The following UTRN variants were observed in gnomAD, a reference collection of about 807,000 sequenced individuals.
UTRN encodes the protein dystrophin-related protein 1.
UTRN carries 283 observed loss-of-function variants against 463.9 expected under a neutral mutation model. The ratio of observed to expected loss-of-function variants is 0.61; its 90% CI spans 0.55 to 0.67. The LOEUF (loss-of-function observed/expected upper bound fraction) is 0.67. Ranked by LOEUF, UTRN falls within the 30% of genes least tolerant of loss-of-function variation. The pLI, the probability that UTRN is intolerant of heterozygous loss-of-function variation, is 0.00. For synonymous variants in UTRN, 1,442 were observed against 1,431.5 expected, an observed-to-expected ratio of 1.01 and a Z score of -0.17; for missense variants, 3,922 against 4,084.3, an observed-to-expected ratio of 0.96 and a Z score of 1.08.
intron 17 of UTRN, among the ~76,000 whole-genome samples, chr6:144,450,547 T>TCCAGGAA (rs2128556799): frequency 6.6e-6 from 1 of 152,280 alleles, no homozygotes; most frequent in South Asian, 2.1e-4. Context: ...AGCAAATTCT[T>TCCAGGAA]TTGTTATTGC....
intron 51 of UTRN, among the ~76,000 whole-genome samples, chr6:144,626,197 T>C (rs1775924514): frequency 1.3e-5 from 2 of 152,224 alleles, no homozygotes; most frequent in East Asian, 3.8e-4. Flanking sequence ...TAGTCTATTA[T>C]CTCTCACCTT....
At chr6:144,642,939 A>G (rs2128662400) in intron 51 of UTRN, among the ~76,000 whole-genome samples, 1 of 152,248 alleles carries the variant, frequency 6.6e-6, no homozygotes, top group South Asian at 2.1e-4. Context: ...GAGTTTACAT[A>G]AACTTTTTAT....
chr6:144,748,279 C>T lies in UTRN; in HGVS notation c.7973C>T (p.Ala2658Val). 1 of 1,612,332 alleles carries T rather than the reference C, an allele frequency of 6.2e-7. No homozygotes were observed. Residue 2658 changes from alanine to valine, a missense_variant, in exon 55 of 75, where the codon GCC becomes GTC. Physicochemically the swap from Ala to Val is moderately conservative, Grantham distance 64 (BLOSUM62 0). Around this residue, in one of 3 missense-constraint regions of UTRN, gnomAD observed 1,309 missense variants for 1,452.6 expected, o/e 0.90. Transcript: ENST00000367545. ...CCTGAGGAGAGAGCCCAAAAGATTG[C>T]CAAAGCCATGCGCAAACAGTCTTCT... is the stretch of plus-strand genomic sequence containing the variant. ...LTPEERAQKI[A>V]KAMRKQSSEV...
At chr6:144,567,202 A>G (rs1184995799) in intron 50 of UTRN, among the ~76,000 whole-genome samples, 1 of 152,126 alleles carries the variant, frequency 6.6e-6, no homozygotes, top group Non-Finnish European at 1.5e-5. Context: ...TTCAGTGAAG[A>G]CAAAAAGGGA....
intron 16 of UTRN, among the ~76,000 whole-genome samples, chr6:144,448,197 A>G (rs1169180282): frequency 6.6e-6 from 1 of 152,234 alleles, no homozygotes; most frequent in East Asian, 1.9e-4. Context: ...TATGCATACA[A>G]TATTATCTGA....
chr6:144,642,640 T>A (rs1777887083), intron 51 of UTRN, among the ~76,000 whole-genome samples: 1 of 152,170 alleles, frequency 6.6e-6, no homozygotes, highest in African/African-American at 2.4e-5. Flanking sequence ...ACTATTTAAT[T>A]TGTAATGCCT....
chr6:144,772,101 T>A, intron 59 of UTRN, 133 bp downstream of exon 59: 1 of 526,786 alleles, frequency 1.9e-6, no homozygotes, highest in Non-Finnish European at 3.0e-6. Flanking sequence ...TGGCATGATC[T>A]CGGCTCACTG....
intron 2 of UTRN, among the ~76,000 whole-genome samples, chr6:144,321,330 C>T (rs982166652): frequency 6.6e-6 from 1 of 152,162 alleles, no homozygotes; most frequent in African/African-American, 2.4e-5. Context: ...CACAATAACC[C>T]TATAAAAGAG....
chr6:144,336,141 C>T (rs1776702229), intron 2 of UTRN, among the ~76,000 whole-genome samples: 1 of 152,148 alleles, frequency 6.6e-6, no homozygotes, highest in African/African-American at 2.4e-5. Context: ...ATGCTGTGAT[C>T]AGGGCTGAGA....
rs762248480 is a variant in UTRN at position 144,440,517 on chromosome 6, G to C, written c.1512+46G>C. ...GATAATCCTGAGGGACCTGTGGTCT[G>C]AGACCCAATTACATATTGCCCTTGT... On this transcript the variant is annotated intron_variant, in intron 13 of 74. Transcript: ENST00000367545. 3 of 1,612,232 alleles carry C rather than the reference G, an allele frequency of 1.9e-6. No homozygotes were observed. The Admixed American group carries it at 5.0e-5, about 27-fold the overall frequency.
At chr6:144,790,592 G>A (rs1260118395) in intron 62 of UTRN, among the ~76,000 whole-genome samples, 4 of 152,156 alleles carry the variant, frequency 2.6e-5, no homozygotes, top group African/African-American at 9.7e-5. Context: ...GTGCTATGAC[G>A]GAGTGAGAGC....
rs775548342 is a variant in UTRN at position 144,577,168 on chromosome 6, A to C, written c.7359A>C (p.Glu2453Asp). The C allele has an allele frequency of 8.7e-6, 14 of 1,614,004 alleles. 1 individual carries two copies. The highest frequency in any genetic ancestry group is 3.3e-4 in the Middle Eastern group (2 of 6,058). The change falls in exon 51 of 75, where the codon GAA (glutamate) becomes GAC (aspartate). Residue 2453 changes from glutamate (E) to aspartate (D), a missense_variant. Glu to Asp is a conservative substitution (Grantham distance 45). This residue lies in a region of UTRN where 1,309 missense variants were observed against 1,452.6 expected (regional missense o/e 0.90). Coordinates refer to ENST00000367545, the MANE Select transcript of UTRN (RefSeq NM_007124.3). ...RTVQASRRDL[E>D]NFLKWIQEAE... The stretch of plus-strand genomic sequence containing the variant: ...TGCAGGCCTCTCGCAGAGATCTGGA[A>C]AACTTCCTGAAGTGGATCCAAGAAG...
intron 2 of UTRN, among the ~76,000 whole-genome samples, chr6:144,294,051 G>A (rs1804476353): frequency 6.6e-6 from 1 of 151,950 alleles, no homozygotes; most frequent in Non-Finnish European, 1.5e-5. Context: ...CTTGGCATTT[G>A]AGATTATTAC....
chr6:144,618,969 T>C (rs10457766), intron 51 of UTRN, among the ~76,000 whole-genome samples: 13,781 of 152,152 alleles, frequency 0.091, 1,433 homozygotes, highest in African/African-American at 0.25. Context: ...TTTTTAAAGA[T>C]AAGGATTAAA....
chr6:144,494,722 G>A (rs1305025284), intron 33 of UTRN, among the ~76,000 whole-genome samples: 2 of 152,118 alleles, frequency 1.3e-5, no homozygotes, highest in South Asian at 2.1e-4. Context: ...TGGACACAAA[G>A]GTTCTCCAAG....
chr6:144,432,207 C>T (rs1193374914), intron 9 of UTRN, among the ~76,000 whole-genome samples: 2 of 152,144 alleles, frequency 1.3e-5, no homozygotes, highest in Admixed American at 6.5e-5. Flanking sequence ...GTGGACTTTT[C>T]CCCCAAGACT....
intron 52 of UTRN, among the ~76,000 whole-genome samples, chr6:144,689,103 G>A (rs1783053518): frequency 6.6e-6 from 1 of 152,188 alleles, no homozygotes. Flanking sequence ...CTTTCCATCT[G>A]TAGGAATGCT....
At chr6:144,847,886 T>C (rs536942520) in intron 74 of UTRN, among the ~76,000 whole-genome samples, 18 of 152,192 alleles carry the variant, frequency 1.2e-4, no homozygotes, top group Non-Finnish European at 2.1e-4. Context: ...CACATTTTCT[T>C]ATCACATACT....
chr6:144,792,349 A>G (rs1776834807), intron 62 of UTRN, among the ~76,000 whole-genome samples: 1 of 152,200 alleles, frequency 6.6e-6, no homozygotes, highest in Non-Finnish European at 1.5e-5. Context: ...GGAGTTCGAG[A>G]CTAGCCTGAC....
Sources: gnomAD v4.1 joint callset for allele counts (sites outside exome capture counted in the v4.1 genomes callset) on GRCh38, gnomAD v4.1.1 for gene constraint, gnomAD v4.1.1 regional missense constraint, MANE v1.5 for transcripts, NCBI Gene and HGNC (gene_info 2026-07-23, HGNC 2026-07-21) for gene names.